The following TTBK1 variants were observed in gnomAD, a reference collection of about 807,000 sequenced individuals.
TTBK1 encodes tau-tubulin kinase 1.
TTBK1 carries 34 observed loss-of-function variants against 108.5 expected under a neutral mutation model. The ratio of observed to expected loss-of-function variants is 0.31; its 90% CI spans 0.24 to 0.42. The LOEUF is 0.42. TTBK1 is among the 10% of genes least tolerant of loss of function. The pLI is 1.00. For synonymous variants in TTBK1, 809 were observed against 795.1 expected (o/e 1.02, Z -0.29); for missense variants, 1,539 against 1,826.0 (o/e 0.84, Z 2.86).
Position 43,269,634 on chromosome 6 carries a change from C to T in TTBK1, c.1986+6284C>T. 1 of 1,605,462 alleles carries T rather than the reference C, an allele frequency of 6.2e-7. No individual in the cohort carries two copies. The highest frequency in any genetic ancestry group is 8.5e-7 in the Non-Finnish European group (1 of 1,175,444). On this transcript the variant is annotated intron_variant, in intron 13 of 14. Transcript: ENST00000259750. The surrounding 1 kb of genome is among the most constrained non-coding windows in gnomAD (Gnocchi z 4.8). ...CCTCTTTTCCCTCCACTTTCTTGGT[C>T]TCTTTCAGTTGGAGGAGGACAGACT... is the stretch of plus-strand genomic sequence containing the variant.
At position 43,255,757 on chromosome 6, in the gene TTBK1, G is replaced by C; in HGVS notation, c.762G>C (p.Lys254Asn). ...AACAGGTAGGGATGATCAAGGAGAA[G>C]TATGAGCACCGGATGCTGCTGAAGC... The part of the protein sequence containing the change: ...DKEQVGMIKE[K>N]YEHRMLLKHM... Residue 254 changes from lysine to asparagine, a missense_variant, in exon 9 of 15, where the codon AAG becomes AAC. Lys to Asn is a moderately conservative substitution (Grantham distance 94, BLOSUM62 0). Transcript: ENST00000259750. The C allele has an allele frequency of 6.2e-7, 1 of 1,614,168 alleles. No homozygotes were observed. The highest frequency in any genetic ancestry group is 8.5e-7 in the Non-Finnish European group (1 of 1,180,036).
In TTBK1 at chr6:43,279,548, G is replaced by A. The variant is rs112844073; in HGVS notation, c.1987-3179G>A. On this transcript the variant is annotated intron_variant, in intron 13 of 14. Transcript: ENST00000259750. ...CCCACCCCATGGTCCCCACTCATCC[G>A]GGAGCTTACAGCAGCCCCTCCACCT... 3.9e-3 allele frequency among the ~76,000 whole-genome samples: 586 copies of A among 151,126 alleles called. 1 individual carries two copies. Among genetic ancestry groups the A allele is most frequent in the Middle Eastern group, 0.034 (10 of 292 alleles).
Position 43,285,618 on chromosome 6 carries a change from T to A in TTBK1, c.*242T>A. On this transcript the variant is annotated 3_prime_UTR_variant, in exon 15 of 15. Transcript: ENST00000259750. This position sits in a 1 kb window ranked among gnomAD's most constrained non-coding sequence, Gnocchi z 4.7. ...GGTCTGCCTCCCCTTCCTCGCCCTGTGTCCTCTCATCCTCCCGCCGCCCGT... is the reference window on the plus strand; with the variant it reads ...GGTCTGCCTCCCCTTCCTCGCCCTGAGTCCTCTCATCCTCCCGCCGCCCGT... The A allele has an allele frequency of 2.9e-6, 1 of 348,520 alleles. No homozygotes were observed. Among genetic ancestry groups the A allele is most frequent in the Non-Finnish European group, 4.9e-6 (1 of 203,702 alleles). 21.6% of individuals were successfully genotyped at this position (348,520 alleles called of 1,614,324 possible).
chr6:43,244,085 T>G (rs2150676631), intron 1 of TTBK1, among the ~76,000 whole-genome samples: 1 of 152,014 alleles, frequency 6.6e-6, no homozygotes, highest in South Asian at 2.1e-4. Context: ...CTTACCTACT[T>G]CCTCACCCCC....
At position 43,255,673 on chromosome 6, in the gene TTBK1, G is replaced by A. The variant is rs745583278; in HGVS notation, c.735+29G>A. 4 of 1,614,142 alleles carry A rather than the reference G, an allele frequency of 2.5e-6. No homozygotes were observed. The South Asian group carries it at 3.3e-5, about 13-fold the overall frequency. ...AGCCCCAGGCAGCTGGGTCTGAGGTGGCAGAAGGAGTGTCAGGGCAGCTGG... is the reference window on the plus strand; with the variant it reads ...AGCCCCAGGCAGCTGGGTCTGAGGTAGCAGAAGGAGTGTCAGGGCAGCTGG... On this transcript the variant is annotated intron_variant, in intron 8 of 14. Coordinates refer to ENST00000259750, the MANE Select transcript of TTBK1 (RefSeq NM_032538.3).
chr6:43,271,993 T>C (rs141911848), intron 13 of TTBK1: 2 of 984,120 alleles, frequency 2.0e-6, no homozygotes, highest in East Asian at 2.3e-4. Flanking sequence ...AGGGTCAAGG[T>C]GGACCCTTTG....
chr6:43,252,082 A>G lies in TTBK1; in HGVS notation c.109-657A>G, dbSNP rs545217533. Reference sequence around the variant, plus strand: ...TATTTGTTGTCCTTCTAGAGAAGAAAAGGTCAAGGGCGGCCCAGTGTCTCC... The same window carrying G: ...TATTTGTTGTCCTTCTAGAGAAGAAGAGGTCAAGGGCGGCCCAGTGTCTCC... On this transcript the variant is annotated intron_variant, in intron 2 of 14. Transcript: ENST00000259750. Among the ~76,000 whole-genome samples, 26 of 152,168 alleles carry G rather than the reference A, an allele frequency of 1.7e-4. No homozygotes were observed. In the South Asian group the frequency reaches 5.2e-3, roughly 30 times the overall value.
rs114893597 is a variant in TTBK1, at chr6:43,245,590, C to T, written c.-54-1017C>T. On this transcript the variant is annotated intron_variant, in intron 1 of 14. Transcript: ENST00000259750. ...ATACACACACAGAAGGATACATGCA[C>T]AGATACACACACAGACATACACACA... Among the ~76,000 whole-genome samples the T allele has an allele frequency of 5.1e-3, 777 of 152,286 alleles. 7 individuals are homozygous for T. The highest frequency in any genetic ancestry group is 0.018 in the African/African-American group (747 of 41,550).
chr6:43,252,683 G>A (rs1777276745), intron 2 of TTBK1, 56 bp from the exon 3 acceptor site: 1 of 1,596,132 alleles, frequency 6.3e-7, no homozygotes, highest in Non-Finnish European at 8.6e-7. Flanking sequence ...CAGCAGGTGG[G>A]ATGAGGAGCT....
In TTBK1 at chr6:43,283,653, G is replaced by C; in HGVS notation, c.2913G>C (p.Val971=). The part of the protein sequence containing the change: ...GLELASDGGA[V]EEGARAPLEN... ...AGCTGGCCTCTGATGGGGGCGCTGTGGAGGAGGGGGCCCGAGCGCCCCTGG... is the reference window on the plus strand; with the variant it reads ...AGCTGGCCTCTGATGGGGGCGCTGTCGAGGAGGGGGCCCGAGCGCCCCTGG... The change falls in exon 14 of 15, where the codon GTG becomes GTC. Residue 971 remains valine, a synonymous_variant. Transcript: ENST00000259750. The surrounding 1 kb of genome is among the most constrained non-coding windows in gnomAD (Gnocchi z 8.1). The C allele has an allele frequency of 6.2e-7, 1 of 1,614,042 alleles. No homozygotes were observed. Among genetic ancestry groups the C allele is most frequent in the Non-Finnish European group, 8.5e-7 (1 of 1,179,976 alleles).
rs1044983940 is a variant in TTBK1 at position 43,285,584 on chromosome 6, C to G, written c.*208C>G. 1.9e-6 allele frequency: 1 copy of G among 527,922 alleles called. No homozygotes were observed. Among genetic ancestry groups the G allele is most frequent in the Admixed American group, 4.7e-5 (1 of 21,130 alleles). 32.7% of individuals were successfully genotyped at this position (527,922 alleles called of 1,614,324 possible). ...GCCCGTGGGGGACGCGGCCCCGCGC[C>G]GCGGGGAGGGTCTGCCTCCCCTTCC... On this transcript the variant is annotated 3_prime_UTR_variant, in exon 15 of 15. Coordinates refer to ENST00000259750, the MANE Select transcript of TTBK1 (RefSeq NM_032538.3). This position sits in a 1 kb window ranked among gnomAD's most constrained non-coding sequence, Gnocchi z 4.7.
chr6:43,256,071 C>A (rs1777373140), intron 9 of TTBK1, among the ~76,000 whole-genome samples: 1 of 152,064 alleles, frequency 6.6e-6, no homozygotes, highest in Non-Finnish European at 1.5e-5. Flanking sequence ...GCTTTTCATG[C>A]ATTCACTCAT....
At position 43,273,109 on chromosome 6, in the gene TTBK1, A is replaced by G. The variant is rs1345035410; in HGVS notation, c.1987-9618A>G. ...TAAACCTCATGATAGCTTATGAGGT[A>G]GATCCCAGTATTATCTGCATTCAAC... On this transcript the variant is annotated intron_variant, in intron 13 of 14. Transcript: ENST00000259750. This position sits in a 1 kb window ranked among gnomAD's most constrained non-coding sequence, Gnocchi z 4.2. Among the ~76,000 whole-genome samples, 1 of 152,236 alleles carries G rather than the reference A, an allele frequency of 6.6e-6. No individual in the cohort carries two copies. The highest frequency in any genetic ancestry group is 1.5e-5 in the Non-Finnish European group (1 of 68,038).
rs887608233 is a variant in TTBK1, at chr6:43,285,352, G to A, written c.3942G>A (p.Ala1314=). The change falls in exon 15 of 15, where the codon GCG becomes GCA. Residue 1314 remains alanine, a synonymous_variant. Transcript: ENST00000259750. This position sits in a 1 kb window ranked among gnomAD's most constrained non-coding sequence, Gnocchi z 4.7. The stretch of plus-strand genomic sequence containing the variant: ...CAACCAAAGGCCGGGCAGGAGGCGC[G>A]GAGGGCCGGGCTGGGGCCAGATAAT... The part of the protein sequence containing the change: ...RATTKGRAGG[A]EGRAGAR 6.2e-6 allele frequency: 8 copies of A among 1,283,642 alleles called. No homozygotes were observed. Among genetic ancestry groups the A allele is most frequent in the East Asian group, 6.3e-5 (2 of 31,984 alleles). The allele number at this position is 1,283,642 out of a possible 1,614,324, so 79.5% of individuals were successfully genotyped here.
Position 43,263,986 on chromosome 6 carries a change from T to C in TTBK1, c.1986+636T>C, listed in dbSNP as rs938128362. The stretch of plus-strand genomic sequence containing the variant: ...GGCAAGGTGGATAGTGCCAAGGGTG[T>C]TGGGGATAGGTCAAGCAGGCTGTGA... On this transcript the variant is annotated intron_variant, in intron 13 of 14. Transcript: ENST00000259750. The surrounding 1 kb of genome is among the most constrained non-coding windows in gnomAD (Gnocchi z 4.7). 2.6e-5 allele frequency among the ~76,000 whole-genome samples: 4 copies of C among 151,806 alleles called. No homozygotes were observed. The highest frequency in any genetic ancestry group is 9.7e-5 in the African/African-American group (4 of 41,300).
chr6:43,268,927 C>A (rs1243474454), intron 13 of TTBK1, among the ~76,000 whole-genome samples: 1 of 152,206 alleles, frequency 6.6e-6, no homozygotes, highest in African/African-American at 2.4e-5. Flanking sequence ...GGGTGCTGTT[C>A]CAAGTACTGC....
At chr6:43,260,114 G>A (rs1483168264) in intron 12 of TTBK1, among the ~76,000 whole-genome samples, 2 of 152,164 alleles carry the variant, frequency 1.3e-5, no homozygotes, top group South Asian at 2.1e-4. Context: ...GGGAATTGCT[G>A]GAAGAGAGAG....
rs1777658900 is a variant in TTBK1 at position 43,265,726 on chromosome 6, T to C, written c.1986+2376T>C. Among the ~76,000 whole-genome samples, 1 of 152,108 alleles carries C rather than the reference T, an allele frequency of 6.6e-6. No individual in the cohort carries two copies. Among genetic ancestry groups the C allele is most frequent in the African/African-American group, 2.4e-5 (1 of 41,420 alleles). ...CACAATAGGTTGTACCCGTAGGAAG[T>C]GCAGAGTCTAGGGAGGGTGACAGAC... On this transcript the variant is annotated intron_variant, in intron 13 of 14. Transcript: ENST00000259750. The surrounding 1 kb of genome is among the most constrained non-coding windows in gnomAD (Gnocchi z 4.1).
chr6:43,277,501 C>G (rs1435836698), intron 13 of TTBK1, among the ~76,000 whole-genome samples: 4 of 152,232 alleles, frequency 2.6e-5, no homozygotes, highest in African/African-American at 9.6e-5. Context: ...CCCAAAGCCC[C>G]GGGGCATTTA....
Sources: allele counts gnomAD v4.1 joint callset (sites outside exome capture counted in the v4.1 genomes callset), GRCh38; gene constraint gnomAD v4.1.1; non-coding constraint Gnocchi (gnomAD v3.1); transcripts MANE v1.5; gene names NCBI Gene and HGNC (gene_info 2026-07-23, HGNC 2026-07-21).